The following DAAM1 variants were observed in gnomAD, a reference collection of about 807,000 sequenced individuals.
The protein encoded by DAAM1 is dishevelled associated activator of morphogenesis 1, also known as disheveled-associated activator of morphogenesis 1.
Under a neutral mutation model 130.0 loss-of-function variants are expected in DAAM1, and 52 were observed. The ratio of observed to expected loss-of-function variants is 0.40; its 90% CI spans 0.32 to 0.50. DAAM1 has a LOEUF of 0.50. Ranked by LOEUF, DAAM1 falls within the 20% of genes least tolerant of loss-of-function variation. DAAM1 has a pLI of 0.61. For synonymous variants in DAAM1, 452 were observed against 444.5 expected (o/e 1.02, Z -0.21); for missense variants, 1,134 against 1,303.8 (o/e 0.87, Z 2.01).
chr14:59,362,092 C>T (rs1886728523), intron 22 of DAAM1, among the ~76,000 whole-genome samples: 1 of 148,342 alleles, frequency 6.7e-6, no homozygotes, highest in Non-Finnish European at 1.5e-5. Flanking sequence ...AACTTTTTCT[C>T]CCAGCCCCAG....
chr14:59,286,915 G>A (rs968207672), intron 2 of DAAM1, among the ~76,000 whole-genome samples: 2 of 152,080 alleles, frequency 1.3e-5, no homozygotes, highest in Non-Finnish European at 2.9e-5. Context: ...AAAGAGAAGG[G>A]ACTCCTCCCT....
At position 59,302,901 on chromosome 14, in the gene DAAM1, G is replaced by A. The variant is rs190047437; in HGVS notation, c.273+11595G>A. ...AGTCCTGACCTCAGGTGATCTACCC[G>A]CCTTGGCCTCCCAAAGTGCTAGGAT... is the stretch of plus-strand genomic sequence containing the variant. On this transcript the variant is annotated intron_variant, in intron 3 of 24. Transcript: ENST00000360909. Among the ~76,000 whole-genome samples, 26 of 152,216 alleles carry A rather than the reference G, an allele frequency of 1.7e-4. No homozygotes were observed. The East Asian group carries it at 4.4e-3, about 26-fold the overall frequency.
At chr14:59,257,102 G>T (rs928993190) in intron 1 of DAAM1, among the ~76,000 whole-genome samples, 1 of 152,088 alleles carries the variant, frequency 6.6e-6, no homozygotes, top group Admixed American at 6.5e-5. Context: ...TGAGGCTTCT[G>T]TCAGCATCAG....
rs1018218306 is a variant in DAAM1 at position 59,369,955 on chromosome 14, G to A, written c.*1096G>A. 1 of 151,668 alleles carries A rather than the reference G, an allele frequency of 6.6e-6. No individual in the cohort carries two copies. The highest frequency in any genetic ancestry group is 1.5e-5 in the Non-Finnish European group (1 of 67,880). 9.4% of individuals were successfully genotyped at this position (151,668 alleles called of 1,614,324 possible). On this transcript the variant is annotated 3_prime_UTR_variant, in exon 25 of 25. Transcript: ENST00000360909. Reference sequence around the variant, plus strand: ...TATTTGAAGTGATTGCTGTTTATATGTTGTCATTTTAAAATTGTGTGTCAG... The same window carrying A: ...TATTTGAAGTGATTGCTGTTTATATATTGTCATTTTAAAATTGTGTGTCAG...
chr14:59,257,539 G>A (rs1881958306), intron 1 of DAAM1, among the ~76,000 whole-genome samples: 1 of 152,202 alleles, frequency 6.6e-6, no homozygotes, highest in Non-Finnish European at 1.5e-5. Context: ...GCAGGCTGAG[G>A]ACACTGTAGA....
chr14:59,280,267 CT>C (rs769471663), intron 2 of DAAM1, among the ~76,000 whole-genome samples: 3 of 152,104 alleles, frequency 2.0e-5, no homozygotes, highest in Non-Finnish European at 2.9e-5. Context: ...AAATAATAGG[CT>C]TTAATCTTTA....
intron 3 of DAAM1, among the ~76,000 whole-genome samples, chr14:59,294,668 AT>A (rs893638565): frequency 1.6e-4 from 25 of 151,912 alleles, no homozygotes; most frequent in African/African-American, 5.1e-4. Context: ...TTTAAAGGTA[AT>A]TCCCTTTTTT....
intron 22 of DAAM1, chr14:59,362,289 A>G (rs1886737588): frequency 6.6e-6 from 1 of 152,098 alleles, no homozygotes; most frequent in Admixed American, 6.5e-5. Flanking sequence ...TTTATAGGAG[A>G]GGGGCTATAG....
intron 20 of DAAM1, among the ~76,000 whole-genome samples, chr14:59,357,947 G>A (rs74057115): frequency 2.4e-4 from 37 of 152,324 alleles, no homozygotes; most frequent in African/African-American, 8.2e-4. Flanking sequence ...GAAATGCAAG[G>A]GTAAAGAAAA....
intron 1 of DAAM1, among the ~76,000 whole-genome samples, chr14:59,232,633 C>CTTTTTTTT (rs199972715): frequency 6.8e-6 from 1 of 146,686 alleles, no homozygotes; most frequent in Non-Finnish European, 1.5e-5. Context: ...AAAATTTTCT[C>CTTTTTTTT]TTTTTTTTTT....
At position 59,340,262 on chromosome 14, in the gene DAAM1, T is replaced by G. The variant is rs895253720; in HGVS notation, c.2075+82T>G. On this transcript the variant is annotated intron_variant, in intron 16 of 24. Transcript: ENST00000360909. ...TCAAAACCACATGTTAGTGATTTTG[T>G]TTTAATTGTACTCTGCTGAGGTACA... 3.7e-6 allele frequency: 5 copies of G among 1,348,214 alleles called. No individual in the cohort carries two copies. The African/African-American group carries it at 7.2e-5, about 19-fold the overall frequency. 83.5% of individuals were successfully genotyped at this position (1,348,214 alleles called of 1,614,324 possible). A position where few individuals can be genotyped will look rare whatever the true frequency, so the allele number is the denominator to read the frequency against.
At chr14:59,254,811 A>G (rs10130094) in intron 1 of DAAM1, among the ~76,000 whole-genome samples, 20 of 152,338 alleles carry the variant, frequency 1.3e-4, no homozygotes, top group African/African-American at 4.6e-4. Flanking sequence ...AGTTGTTGCC[A>G]GCTTTTTAGG....
chr14:59,265,205 T>C (rs1322784268), intron 2 of DAAM1: 1 of 152,202 alleles, frequency 6.6e-6, no homozygotes, highest in Admixed American at 6.5e-5. Context: ...TAAGCCAATA[T>C]GAGAGAGGTT....
chr14:59,352,737 T>C, intron 18 of DAAM1, 105 bp downstream of exon 18: 2 of 945,608 alleles, frequency 2.1e-6, no homozygotes, highest in South Asian at 1.8e-5. Flanking sequence ...CTGGCTTAAC[T>C]TGAAAGCTTT....
intron 1 of DAAM1, among the ~76,000 whole-genome samples, chr14:59,250,073 A>G (rs1881566600): frequency 6.6e-6 from 1 of 152,218 alleles, no homozygotes; most frequent in Non-Finnish European, 1.5e-5. Flanking sequence ...CAATAGAACT[A>G]TAATTGAAAC....
chr14:59,255,982 A>G (rs887113740), intron 1 of DAAM1, among the ~76,000 whole-genome samples: 8 of 148,952 alleles, frequency 5.4e-5, no homozygotes, highest in African/African-American at 2.0e-4. Flanking sequence ...TCCCTCCAGC[A>G]TATCTTGACT....
chr14:59,290,792 G>C (rs1303675480), intron 2 of DAAM1, among the ~76,000 whole-genome samples: 1 of 152,100 alleles, frequency 6.6e-6, no homozygotes, highest in African/African-American at 2.4e-5. Context: ...CTCATATCCA[G>C]GTTCTTCAGG....
chr14:59,247,040 T>C (rs1881414237), intron 1 of DAAM1, among the ~76,000 whole-genome samples: 1 of 152,202 alleles, frequency 6.6e-6, no homozygotes, highest in Non-Finnish European at 1.5e-5. Context: ...TGTTTAAGTC[T>C]TTAATCCATT....
At chr14:59,312,139 A>G (rs1039726922) in intron 3 of DAAM1, among the ~76,000 whole-genome samples, 1 of 152,222 alleles carries the variant, frequency 6.6e-6, no homozygotes, top group Non-Finnish European at 1.5e-5. Flanking sequence ...TACAGGGTCA[A>G]AGGCTATCTG....
Sources: allele counts gnomAD v4.1 joint callset (sites outside exome capture counted in the v4.1 genomes callset), GRCh38; gene constraint gnomAD v4.1.1; transcripts MANE v1.5; gene names NCBI Gene and HGNC (gene_info 2026-07-23, HGNC 2026-07-21).